The following HDGFL1 variants were observed in gnomAD, a reference collection of about 807,000 sequenced individuals.
HDGFL1 encodes the protein HDGF like 1, also known as hepatoma-derived growth factor-like protein 1.
For missense variants in HDGFL1, 422 were observed against 365.3 expected (o/e 1.16, Z -1.27); for synonymous variants, 190 against 165.1 (o/e 1.15, Z -1.16).
rs1760917599 is a variant in HDGFL1 at position 22,571,157 on chromosome 6, T to C, written c.*826T>C. The C allele has an allele frequency of 6.0e-6, 1 of 167,092 alleles. No individual in the cohort carries two copies. Among genetic ancestry groups the C allele is most frequent in the Non-Finnish European group, 1.5e-5 (1 of 68,176 alleles). The allele number at this position is 167,092 out of a possible 1,614,324, so 10.4% of individuals were successfully genotyped here. A position where few individuals can be genotyped will look rare whatever the true frequency, so the allele number is the denominator to read the frequency against. ...GGGAAGATCCTTGGCTGCCGCTTTC[T>C]CTCCCCACAGCCTCAAGGCCACCCT... On this transcript the variant is annotated 3_prime_UTR_variant, in exon 1 of 1. Coordinates refer to ENST00000510882, the MANE Select transcript of HDGFL1 (RefSeq NM_138574.4).
rs745764936 is a variant in HDGFL1 at position 22,570,081 on chromosome 6, A to AGGAGGC, written c.517_522dup (p.Ala173_Glu174dup). ...AAGGAGGCAGCCCCCGACCAAGAGG[A>AGGAGGC]GGAGGCGGAGGCGGAGAGGGCGGCG... On this transcript the variant is annotated inframe_insertion, in exon 1 of 1. Coordinates refer to ENST00000510882, the MANE Select transcript of HDGFL1 (RefSeq NM_138574.4). The AGGAGGC allele has an allele frequency of 5.5e-5, 85 of 1,538,824 alleles. No homozygotes were observed. The highest frequency in any genetic ancestry group is 1.2e-4 in the South Asian group (10 of 83,222).
In HDGFL1 at chr6:22,571,030, G is replaced by T. The variant is rs540572573; in HGVS notation, c.*699G>T. The T allele has an allele frequency of 6.0e-6, 1 of 167,106 alleles. No homozygotes were observed. The highest frequency in any genetic ancestry group is 1.5e-5 in the Non-Finnish European group (1 of 68,116). The allele number at this position is 167,106 out of a possible 1,614,324, so 10.4% of individuals were successfully genotyped here. On this transcript the variant is annotated 3_prime_UTR_variant, in exon 1 of 1. Transcript: ENST00000510882. ...CAAAACGTTTGGGGGCTTCCAAGTT[G>T]TTTGTGAGATCTGAAAACTTAACTT...
At position 22,570,117 on chromosome 6, in the gene HDGFL1, G is replaced by GGGCGGCGGAAGCGGAGAGGGC; in HGVS notation, c.550_551insAAGCGGAGAGGGCGGCGGCGG (p.Ala183_Ala184insGluAlaGluArgAlaAlaAla). Reference sequence around the variant, plus strand: ...GCGGAGAGGGCGGCGGAAGCGGAGAGGGCGGCGGCGGCGGCGGCGGCGACG... The same window carrying GGGCGGCGGAAGCGGAGAGGGC: ...GCGGAGAGGGCGGCGGAAGCGGAGAGGGCGGCGGAAGCGGAGAGGGCGGCGGCGGCGGCGGCGGCGGCGACG... On this transcript the variant is annotated inframe_insertion, in exon 1 of 1. Transcript: ENST00000510882. The GGGCGGCGGAAGCGGAGAGGGC allele has an allele frequency of 4.6e-6, 7 of 1,529,932 alleles. No homozygotes were observed. The highest frequency in any genetic ancestry group is 4.4e-6 in the Non-Finnish European group (5 of 1,139,760). The allele number at this position is 1,529,932 out of a possible 1,614,324, so 94.8% of individuals were successfully genotyped here.
Position 22,570,895 on chromosome 6 carries a change from C to G in HDGFL1, c.*564C>G, listed in dbSNP as rs1391104325. On this transcript the variant is annotated 3_prime_UTR_variant, in exon 1 of 1. Transcript: ENST00000510882. ...TGAGCTCCTGTCCATGCCTGCCATA[C>G]CTGCCAGCTTCAGACATTTAGGGAA... 1 of 167,316 alleles carries G rather than the reference C, an allele frequency of 6.0e-6. No individual in the cohort carries two copies. Among genetic ancestry groups the G allele is most frequent in the African/African-American group, 2.4e-5 (1 of 41,420 alleles). 10.4% of individuals were successfully genotyped at this position (167,316 alleles called of 1,614,324 possible).
At position 22,571,219 on chromosome 6, in the gene HDGFL1, C is replaced by G. The variant is rs1760918844; in HGVS notation, c.*888C>G. ...TATCACTCAGGCGTAGAAGAAAAGA[C>G]ACATATTTTATAAAATCTTTTTAAT... On this transcript the variant is annotated 3_prime_UTR_variant, in exon 1 of 1. Coordinates refer to ENST00000510882, the MANE Select transcript of HDGFL1 (RefSeq NM_138574.4). 1 of 162,412 alleles carries G rather than the reference C, an allele frequency of 6.2e-6. No homozygotes were observed. The highest frequency in any genetic ancestry group is 1.5e-5 in the Non-Finnish European group (1 of 68,088). 10.1% of individuals were successfully genotyped at this position (162,412 alleles called of 1,614,324 possible). A position where few individuals can be genotyped will look rare whatever the true frequency, so the allele number is the denominator to read the frequency against.
Position 22,570,063 on chromosome 6 carries a change from C to G in HDGFL1, c.488C>G (p.Ala163Gly), listed in dbSNP as rs1181172777. Residue 163 changes from alanine (A) to glycine (G), a missense_variant, in exon 1 of 1, where the codon GCA (alanine) becomes GGA (glycine). By Grantham distance (60) the Ala-to-Gly change is moderately conservative. Coordinates refer to ENST00000510882, the MANE Select transcript of HDGFL1 (RefSeq NM_138574.4). The part of the protein sequence containing the change: ...PEDAPKRPKE[A>G]APDQEEEAEA... ...GACGCCCCCAAACGACCCAAGGAGG[C>G]AGCCCCCGACCAAGAGGAGGAGGCG... is the stretch of plus-strand genomic sequence containing the variant. 6.5e-7 allele frequency: 1 copy of G among 1,543,288 alleles called. No homozygotes were observed. Among genetic ancestry groups the G allele is most frequent in the Non-Finnish European group, 8.7e-7 (1 of 1,144,576 alleles).
At position 22,570,049 on chromosome 6, in the gene HDGFL1, A is replaced by G; in HGVS notation, c.474A>G (p.Lys158=). ...SAGDPPEDAP[K]RPKEAAPDQE... ...GGGACCCGCCGGAGGACGCCCCCAA[A>G]CGACCCAAGGAGGCAGCCCCCGACC... Residue 158 remains lysine (K), a synonymous_variant, in exon 1 of 1, where the codon AAA becomes AAG. Coordinates refer to ENST00000510882, the MANE Select transcript of HDGFL1 (RefSeq NM_138574.4). 2.6e-6 allele frequency: 4 copies of G among 1,546,000 alleles called. No homozygotes were observed. Among genetic ancestry groups the G allele is most frequent in the Non-Finnish European group, 3.5e-6 (4 of 1,145,676 alleles).
chr6:22,569,938 C>T lies in HDGFL1; in HGVS notation c.363C>T (p.His121=), dbSNP rs1257463869. ...AAEGDEDKPT[H]AGGGGDELGK... Reference sequence around the variant, plus strand: ...AGGGCGACGAGGACAAGCCGACCCACGCTGGTGGCGGCGGCGACGAATTGG... The same window carrying T: ...AGGGCGACGAGGACAAGCCGACCCATGCTGGTGGCGGCGGCGACGAATTGG... The change falls in exon 1 of 1, where the codon CAC becomes CAT. Residue 121 remains histidine, a synonymous_variant. Transcript: ENST00000510882. 2 of 1,553,138 alleles carry T rather than the reference C, an allele frequency of 1.3e-6. No homozygotes were observed. Among genetic ancestry groups the T allele is most frequent in the Admixed American group, 2.0e-5 (1 of 51,236 alleles).
rs766062263 is a variant in HDGFL1, at chr6:22,569,684, C to A, written c.109C>A (p.Arg37Ser). The change falls in exon 1 of 1, where the codon CGC becomes AGC. Residue 37 changes from arginine to serine, a missense_variant. Transcript: ENST00000510882. ...GATAGAGCACATGACCCAGCCCAACCGCTACCAGGTGTTTTTCTTCGGGAC... is the reference window on the plus strand; with the variant it reads ...GATAGAGCACATGACCCAGCCCAACAGCTACCAGGTGTTTTTCTTCGGGAC... ...ARIEHMTQPN[R>S]YQVFFFGTHE... The A allele has an allele frequency of 6.2e-7, 1 of 1,614,172 alleles. No individual in the cohort carries two copies. Among genetic ancestry groups the A allele is most frequent in the South Asian group, 1.1e-5 (1 of 91,084 alleles).
rs141418706 is a variant in HDGFL1 at position 22,569,653 on chromosome 6, G to A, written c.78G>A (p.Pro26=). The A allele has an allele frequency of 1.9e-6, 3 of 1,614,168 alleles. No individual in the cohort carries two copies. Among genetic ancestry groups the A allele is most frequent in the South Asian group, 1.1e-5 (1 of 91,090 alleles). ...FAKLKGYAHW[P]ARIEHMTQPN... Reference sequence around the variant, plus strand: ...AGTTAAAGGGCTATGCCCACTGGCCGGCGAGGATAGAGCACATGACCCAGC... The same window carrying A: ...AGTTAAAGGGCTATGCCCACTGGCCAGCGAGGATAGAGCACATGACCCAGC... Residue 26 remains proline (P), a synonymous_variant, in exon 1 of 1, where the codon CCG becomes CCA. Transcript: ENST00000510882.
Position 22,570,118 on chromosome 6 carries a change from G to A in HDGFL1, c.543G>A (p.Arg181=). The A allele has an allele frequency of 6.7e-7, 1 of 1,482,692 alleles. No individual in the cohort carries two copies. The highest frequency in any genetic ancestry group is 9.0e-7 in the Non-Finnish European group (1 of 1,107,950). The allele number at this position is 1,482,692 out of a possible 1,614,324, so 91.8% of individuals were successfully genotyped here. A position where few individuals can be genotyped will look rare whatever the true frequency, so the allele number is the denominator to read the frequency against. Residue 181 remains arginine (R), a synonymous_variant, in exon 1 of 1, where the codon AGG becomes AGA. Coordinates refer to ENST00000510882, the MANE Select transcript of HDGFL1 (RefSeq NM_138574.4). ...CGGAGAGGGCGGCGGAAGCGGAGAG[G>A]GCGGCGGCGGCGGCGGCGGCGACGG... ...AEAERAAEAE[R]AAAAAAATAV...
At position 22,570,991 on chromosome 6, in the gene HDGFL1, T is replaced by G. The variant is rs1168679725; in HGVS notation, c.*660T>G. 1 of 166,898 alleles carries G rather than the reference T, an allele frequency of 6.0e-6. No individual in the cohort carries two copies. Among genetic ancestry groups the G allele is most frequent in the African/African-American group, 2.4e-5 (1 of 41,416 alleles). The allele number at this position is 166,898 out of a possible 1,614,324, so 10.3% of individuals were successfully genotyped here. ...TTGCTGACCCAGGAAGTTCTGGGAG[T>G]TGCCGTTTTTCATCAAAACGTTTGG... On this transcript the variant is annotated 3_prime_UTR_variant, in exon 1 of 1. Coordinates refer to ENST00000510882, the MANE Select transcript of HDGFL1 (RefSeq NM_138574.4).
chr6:22,570,359 C>A lies in HDGFL1; in HGVS notation c.*28C>A, dbSNP rs1035372242. The A allele has an allele frequency of 1.5e-5, 21 of 1,431,544 alleles. No individual in the cohort carries two copies. The highest frequency in any genetic ancestry group is 1.8e-5 in the Non-Finnish European group (20 of 1,092,746). The allele number at this position is 1,431,544 out of a possible 1,614,324, so 88.7% of individuals were successfully genotyped here. ...ACCAGCGTTTCCAGAAGAGCCCCTG[C>A]CCCGTTCCTGCTGCGGCCTGGCCGT... On this transcript the variant is annotated 3_prime_UTR_variant, in exon 1 of 1. Transcript: ENST00000510882.
At position 22,570,074 on chromosome 6, in the gene HDGFL1, C is replaced by G. The variant is rs1353332514; in HGVS notation, c.499C>G (p.Gln167Glu). The change falls in exon 1 of 1, where the codon CAA (glutamine) becomes GAA (glutamate). Residue 167 changes from glutamine (Q) to glutamate (E), a missense_variant. Gln to Glu is a conservative substitution (Grantham distance 29, BLOSUM62 2). Coordinates refer to ENST00000510882, the MANE Select transcript of HDGFL1 (RefSeq NM_138574.4). ...PKRPKEAAPDQEEEAEAERAA... is the reference protein window; with the variant it reads ...PKRPKEAAPDEEEEAEAERAA... ...ACGACCCAAGGAGGCAGCCCCCGACCAAGAGGAGGAGGCGGAGGCGGAGAG... is the reference window on the plus strand; with the variant it reads ...ACGACCCAAGGAGGCAGCCCCCGACGAAGAGGAGGAGGCGGAGGCGGAGAG... 5 of 1,541,462 alleles carry G rather than the reference C, an allele frequency of 3.2e-6. No homozygotes were observed. Among genetic ancestry groups the G allele is most frequent in the South Asian group, 2.4e-5 (2 of 83,466 alleles).
At position 22,569,598 on chromosome 6, in the gene HDGFL1, T is replaced by G. The variant is rs570011109; in HGVS notation, c.23T>G (p.Met8Arg). MSAYGMP[M>R]YKSGDLVFAK... ...GCTATGTCGGCCTACGGCATGCCCA[T>G]GTACAAGAGCGGGGACCTGGTGTTT... Residue 8 changes from methionine to arginine, a missense_variant, in exon 1 of 1, where the codon ATG becomes AGG. Met to Arg is a moderately conservative substitution (Grantham distance 91). Coordinates refer to ENST00000510882, the MANE Select transcript of HDGFL1 (RefSeq NM_138574.4). 1.9e-6 allele frequency: 3 copies of G among 1,613,926 alleles called. No individual in the cohort carries two copies. The highest frequency in any genetic ancestry group is 1.7e-6 in the Non-Finnish European group (2 of 1,179,972).
rs1374038393 is a variant in HDGFL1, at chr6:22,569,933, A to C, written c.358A>C (p.Thr120Pro). Residue 120 changes from threonine to proline, a missense_variant, in exon 1 of 1, where the codon ACC becomes CCC. Transcript: ENST00000510882. ...CGCAGAGGGCGACGAGGACAAGCCG[A>C]CCCACGCTGGTGGCGGCGGCGACGA... ...EAAEGDEDKPTHAGGGGDELG... is the reference protein window; with the variant it reads ...EAAEGDEDKPPHAGGGGDELG... 6.4e-7 allele frequency: 1 copy of C among 1,553,722 alleles called. No individual in the cohort carries two copies. Among genetic ancestry groups the C allele is most frequent in the Non-Finnish European group, 8.7e-7 (1 of 1,148,928 alleles).
rs959930886 is a variant in HDGFL1, at chr6:22,570,270, A to T, written c.695A>T (p.Glu232Val). The change falls in exon 1 of 1, where the codon GAG (glutamate) becomes GTG (valine). Residue 232 changes from glutamate (E) to valine (V), a missense_variant. By Grantham distance (121) the Glu-to-Val change is moderately radical. Coordinates refer to ENST00000510882, the MANE Select transcript of HDGFL1 (RefSeq NM_138574.4). ...CTCCGGGAGGAAGAAGTCGCGGACG[A>T]GGAGGCCTCCCAGGAGTGGCATGCC... ...EELREEEVAD[E>V]EASQEWHAEA... The T allele has an allele frequency of 2.7e-5, 41 of 1,535,256 alleles. No homozygotes were observed. Among genetic ancestry groups the T allele is most frequent in the Non-Finnish European group, 3.6e-5 (41 of 1,147,540 alleles).
At position 22,569,950 on chromosome 6, in the gene HDGFL1, C is replaced by A; in HGVS notation, c.375C>A (p.Gly125=). The A allele has an allele frequency of 6.4e-7, 1 of 1,551,360 alleles. No homozygotes were observed. The highest frequency in any genetic ancestry group is 1.2e-5 in the South Asian group (1 of 84,272). Residue 125 remains glycine, a synonymous_variant, in exon 1 of 1, where the codon GGC becomes GGA. Transcript: ENST00000510882. Reference sequence around the variant, plus strand: ...ACAAGCCGACCCACGCTGGTGGCGGCGGCGACGAATTGGGGAAGCCGGACG... The same window carrying A: ...ACAAGCCGACCCACGCTGGTGGCGGAGGCGACGAATTGGGGAAGCCGGACG... ...DEDKPTHAGG[G]GDELGKPDDD...
chr6:22,569,855 C>G lies in HDGFL1; in HGVS notation c.280C>G (p.Pro94Ala), dbSNP rs769470023. Residue 94 changes from proline (P) to alanine (A), a missense_variant, in exon 1 of 1, where the codon CCA becomes GCA. Pro to Ala is a conservative substitution (Grantham distance 27). Transcript: ENST00000510882. ...CCCCACGGTCCAGGCCTCCGACTGCCCATTAGCCTCAGAGAAGGGCAGCGG... is the reference window on the plus strand; with the variant it reads ...CCCCACGGTCCAGGCCTCCGACTGCGCATTAGCCTCAGAGAAGGGCAGCGG... ...NNPTVQASDCPLASEKGSGDG... is the reference protein window; with the variant it reads ...NNPTVQASDCALASEKGSGDG... 1.9e-6 allele frequency: 3 copies of G among 1,601,122 alleles called. No individual in the cohort carries two copies. The highest frequency in any genetic ancestry group is 2.6e-6 in the Non-Finnish European group (3 of 1,173,906).
Sources: gnomAD v4.1 joint callset for allele counts on GRCh38, gnomAD v4.1.1 for gene constraint, MANE v1.5 for transcripts, NCBI Gene and HGNC (gene_info 2026-07-23, HGNC 2026-07-21) for gene names.